Variants in WDTC1 observed in about 807,000 individuals in gnomAD.
The protein encoded by WDTC1 is WD and tetratricopeptide repeats protein 1.
A neutral mutation model predicts 76.0 loss-of-function variants in WDTC1; 12 were observed. That is an observed-to-expected ratio of 0.16 (90% CI 0.10 to 0.26). The LOEUF (loss-of-function observed/expected upper bound fraction) is 0.26. Among genes scored for constraint, WDTC1 ranks in the 10% least tolerant of loss-of-function variants. WDTC1 has a pLI of 1.00. For synonymous variants in WDTC1, 326 were observed against 350.8 expected (o/e 0.93, Z 0.79); for missense variants, 511 against 908.8 (o/e 0.56, Z 5.63).
Position 27,305,158 on chromosome 1 carries a change from G to T in WDTC1, c.1801G>T (p.Asp601Tyr). Residue 601 changes from aspartate to tyrosine, a missense_variant, in exon 15 of 16, where the codon GAT (aspartate) becomes TAT (tyrosine). Asp to Tyr is a radical substitution (Grantham distance 160). Transcript: ENST00000319394. This position sits in a 1 kb window ranked among gnomAD's most constrained non-coding sequence, Gnocchi z 4.6. ...CTGCTTCCTGGCCACCAGTGGCATC[G>T]ATCCTGTTGTGCGGCTCTGGAACCC... ...SYCFLATSGI[D>Y]PVVRLWNPRP... is the part of the protein sequence containing the mutation. 1 of 1,614,024 alleles carries T rather than the reference G, an allele frequency of 6.2e-7. No individual in the cohort carries two copies. The highest frequency in any genetic ancestry group is 8.5e-7 in the Non-Finnish European group (1 of 1,179,978).
At position 27,294,092 on chromosome 1, in the gene WDTC1, G is replaced by A. The variant is rs775737872; in HGVS notation, c.733G>A (p.Gly245Ser). 1.7e-5 allele frequency: 28 copies of A among 1,613,962 alleles called. No individual in the cohort carries two copies. Among genetic ancestry groups the A allele is most frequent in the Non-Finnish European group, 2.2e-5 (26 of 1,180,006 alleles). Residue 245 changes from glycine to serine, a missense_variant, in exon 8 of 16, where the codon GGT becomes AGT. Coordinates refer to ENST00000319394, the MANE Select transcript of WDTC1 (RefSeq NM_001276252.2). The part of the protein sequence containing the change: ...FCDRQKPLPD[G>S]AAQYYVAGHL... Reference sequence around the variant, plus strand: ...TGACCGGCAGAAACCCCTTCCGGACGGTGCAGCCCAGTATTACGTAGCAGG... The same window carrying A: ...TGACCGGCAGAAACCCCTTCCGGACAGTGCAGCCCAGTATTACGTAGCAGG...
intron 5 of WDTC1, 26 bp downstream of exon 5, chr1:27,283,475 G>T (rs745920831): frequency 6.2e-7 from 1 of 1,606,272 alleles, no homozygotes; most frequent in Non-Finnish European, 8.5e-7. Flanking sequence ...CACAGAGCAA[G>T]CACAAGCCAC....
chr1:27,299,357 G>A (rs1319213181), intron 12 of WDTC1, among the ~76,000 whole-genome samples: 1 of 152,182 alleles, frequency 6.6e-6, no homozygotes, highest in East Asian at 1.9e-4. Flanking sequence ...CTTGTGAATG[G>A]TCAGGTAAAG....
intron 1 of WDTC1, among the ~76,000 whole-genome samples, chr1:27,236,263 A>T (rs1044960343): frequency 1.3e-5 from 2 of 152,184 alleles, no homozygotes; most frequent in African/African-American, 4.8e-5. Flanking sequence ...CAGACCAGGG[A>T]GTAACTAGTT....
At chr1:27,259,643 C>G (rs2012410741) in intron 1 of WDTC1, among the ~76,000 whole-genome samples, 1 of 151,898 alleles carries the variant, frequency 6.6e-6, no homozygotes, top group South Asian at 2.1e-4. Context: ...TTTTCTTTTT[C>G]TTATGGCAAA....
intron 3 of WDTC1, among the ~76,000 whole-genome samples, chr1:27,278,941 G>T (rs10902654): frequency 0.92 from 139,973 of 152,240 alleles, 65,504 homozygotes; most frequent in East Asian, 1. Context: ...TGTGTGCTTC[G>T]AACCCCAGCT....
intron 6 of WDTC1, among the ~76,000 whole-genome samples, chr1:27,289,174 A>C (rs1479651319): frequency 1.5e-4 from 15 of 100,908 alleles, no homozygotes; most frequent in South Asian, 3.7e-4. Context: ...GGCGCCCCTC[A>C]CCTCCCGGAC....
Position 27,297,985 on chromosome 1 carries a change from C to G in WDTC1, c.1106C>G (p.Ala369Gly). The change falls in exon 12 of 16, where the codon GCC (alanine) becomes GGC (glycine). Residue 369 changes from alanine to glycine, a missense_variant. Ala to Gly is a moderately conservative substitution (Grantham distance 60, BLOSUM62 0). Transcript: ENST00000319394. ...TACCTGGAGCGTGTGAAACAGCAAG[C>G]CAATGAGGCTTTTGCCTGCCAGCAG... ...PPYLERVKQQ[A>G]NEAFACQQWT... 3.7e-6 allele frequency: 6 copies of G among 1,614,004 alleles called. No individual in the cohort carries two copies. Among genetic ancestry groups the G allele is most frequent in the Non-Finnish European group, 5.1e-6 (6 of 1,179,930 alleles).
chr1:27,306,689 T>C lies in WDTC1; in HGVS notation c.*306T>C. The C allele has an allele frequency of 2.4e-6, 1 of 415,658 alleles. No homozygotes were observed. Among genetic ancestry groups the C allele is most frequent in the Non-Finnish European group, 4.4e-6 (1 of 225,692 alleles). The allele number at this position is 415,658 out of a possible 1,614,324, so 25.7% of individuals were successfully genotyped here. The stretch of plus-strand genomic sequence containing the variant: ...GGGCTCTGGCCTGCCTCAAAACCCC[T>C]TCTGCCTCAGGTGGGGAGGAACAAG... On this transcript the variant is annotated 3_prime_UTR_variant, in exon 16 of 16. Coordinates refer to ENST00000319394, the MANE Select transcript of WDTC1 (RefSeq NM_001276252.2). The surrounding 1 kb of genome is among the most constrained non-coding windows in gnomAD (Gnocchi z 5.0).
intron 1 of WDTC1, among the ~76,000 whole-genome samples, chr1:27,236,733 C>T (rs915432176): frequency 2.0e-5 from 3 of 152,098 alleles, no homozygotes; most frequent in African/African-American, 7.2e-5. Flanking sequence ...AATCTTGAAG[C>T]CCACTGCCAA....
chr1:27,269,164 CAAAAAA>C (rs34447091), intron 3 of WDTC1, among the ~76,000 whole-genome samples: 9 of 58,848 alleles, frequency 1.5e-4, no homozygotes, highest in Admixed American at 2.9e-4. Context: ...CCTGTTTCTC[CAAAAAA>C]AAAAAAAAAA....
chr1:27,265,466 C>T (rs527902496), intron 3 of WDTC1, among the ~76,000 whole-genome samples: 119 of 151,492 alleles, frequency 7.9e-4, no homozygotes, highest in Non-Finnish European at 1.4e-3. Flanking sequence ...GGCAACATAG[C>T]GAGACCTTGT....
intron 11 of WDTC1, among the ~76,000 whole-genome samples, chr1:27,297,591 C>T (rs17162533): frequency 0.024 from 3,656 of 152,284 alleles, 97 homozygotes; most frequent in African/African-American, 0.071. Context: ...GTTCTCTAGA[C>T]AGCGATCCAC....
Position 27,307,587 on chromosome 1 carries a change from C to G in WDTC1, c.*1204C>G, listed in dbSNP as rs1238013306. On this transcript the variant is annotated 3_prime_UTR_variant, in exon 16 of 16. Coordinates refer to ENST00000319394, the MANE Select transcript of WDTC1 (RefSeq NM_001276252.2). The surrounding 1 kb of genome is among the most constrained non-coding windows in gnomAD (Gnocchi z 4.1). ...GCTGCAGCCCCTGGGGAAAAGCAGC[C>G]TCCCTTCTCCTCTCCCTCCACTCCC... is the stretch of plus-strand genomic sequence containing the variant. 1 of 153,036 alleles carries G rather than the reference C, an allele frequency of 6.5e-6. No homozygotes were observed. The highest frequency in any genetic ancestry group is 1.5e-5 in the Non-Finnish European group (1 of 68,348). The allele number at this position is 153,036 out of a possible 1,614,324, so 9.5% of individuals were successfully genotyped here. A position where few individuals can be genotyped will look rare whatever the true frequency, so the allele number is the denominator to read the frequency against.
rs747281912 is a variant in WDTC1, at chr1:27,294,611, C to A, written c.855C>A (p.Val285=). The change falls in exon 9 of 16, where the codon GTC becomes GTA. Residue 285 remains valine, a synonymous_variant. Transcript: ENST00000319394. ...TFSPNGTELL[V]NMGGEQVYLF... ...GCCCCAATGGCACAGAGCTACTAGT[C>A]AACATGGGGGGGGAACAGGTATGTA... The A allele has an allele frequency of 6.2e-7, 1 of 1,613,834 alleles. No homozygotes were observed. The highest frequency in any genetic ancestry group is 1.3e-5 in the African/African-American group (1 of 74,892).
In WDTC1 at chr1:27,307,134, A is replaced by G. The variant is rs982131325; in HGVS notation, c.*751A>G. Reference sequence around the variant, plus strand: ...ATGCCAGCACTTCTGCACTACGGCCATTCTCCTCTTGGGCGCTCCTCAGCC... The same window carrying G: ...ATGCCAGCACTTCTGCACTACGGCCGTTCTCCTCTTGGGCGCTCCTCAGCC... On this transcript the variant is annotated 3_prime_UTR_variant, in exon 16 of 16. Transcript: ENST00000319394. The surrounding 1 kb of genome is among the most constrained non-coding windows in gnomAD (Gnocchi z 4.1). 1 of 152,876 alleles carries G rather than the reference A, an allele frequency of 6.5e-6. No individual in the cohort carries two copies. The highest frequency in any genetic ancestry group is 1.9e-4 in the East Asian group (1 of 5,174). The allele number at this position is 152,876 out of a possible 1,614,324, so 9.5% of individuals were successfully genotyped here.
Position 27,295,647 on chromosome 1 carries a change from G to A in WDTC1, c.874-679G>A, listed in dbSNP as rs2013663576. The stretch of plus-strand genomic sequence containing the variant: ...ATTTTGTATTTTTAGTAGAGATGGG[G>A]TTTCACGATGTTGGTCAGGCTAGTC... On this transcript the variant is annotated intron_variant, in intron 9 of 15. Coordinates refer to ENST00000319394, the MANE Select transcript of WDTC1 (RefSeq NM_001276252.2). Among the ~76,000 whole-genome samples, 6 of 152,040 alleles carry A rather than the reference G, an allele frequency of 3.9e-5. No individual in the cohort carries two copies. In the South Asian group the frequency reaches 1.2e-3, roughly 32 times the overall value.
At chr1:27,244,518 A>G (rs565111348) in intron 1 of WDTC1, among the ~76,000 whole-genome samples, 4 of 152,074 alleles carry the variant, frequency 2.6e-5, no homozygotes, top group Non-Finnish European at 5.9e-5. Flanking sequence ...ATTTTTAAAA[A>G]ACTTTTTTAT....
intron 6 of WDTC1, 39 bp downstream of exon 6, chr1:27,287,900 C>A: frequency 1.9e-6 from 3 of 1,588,128 alleles, no homozygotes; most frequent in Non-Finnish European, 1.7e-6. Context: ...TGTCGCTCCC[C>A]CATCCCATCA....
Sources: gnomAD v4.1 joint callset for allele counts (sites outside exome capture counted in the v4.1 genomes callset) on GRCh38, gnomAD v4.1.1 for gene constraint, Gnocchi (gnomAD v3.1) non-coding constraint, MANE v1.5 for transcripts, NCBI Gene and HGNC (gene_info 2026-07-23, HGNC 2026-07-21) for gene names.